The following LAMA2 variants were observed in gnomAD, a reference collection of about 807,000 sequenced individuals.
LAMA2 encodes the protein laminin subunit alpha 2, also known as laminin subunit alpha-2.
LAMA2 carries 269 observed loss-of-function variants against 364.8 expected under a neutral mutation model. The observed-to-expected ratio is 0.74, with a 90% confidence interval of 0.67 to 0.82. LAMA2 has a LOEUF of 0.82. Among genes scored for constraint, LAMA2 ranks in the 40% least tolerant of loss-of-function variants. LAMA2 has a pLI of 0.00. For synonymous variants in LAMA2, 1,379 were observed against 1,370.6 expected, an observed-to-expected ratio of 1.01 and a Z score of -0.14; for missense variants, 3,807 against 3,873.2, an observed-to-expected ratio of 0.98 and a Z score of 0.45.
chr6:129,487,756 G>A (rs7740749), intron 56 of LAMA2, among the ~76,000 whole-genome samples: 96,609 of 151,954 alleles, frequency 0.64, 31,728 homozygotes, highest in Non-Finnish European at 0.72. Flanking sequence ...GATACAAAGC[G>A]TTCATGCAGA....
At chr6:129,173,126 C>T (rs1048193934) in intron 9 of LAMA2, among the ~76,000 whole-genome samples, 6 of 152,198 alleles carry the variant, frequency 3.9e-5, no homozygotes, top group Non-Finnish European at 7.3e-5. Flanking sequence ...CAGAAATCAC[C>T]GTCTTCTGCG....
Position 129,440,424 on chromosome 6 carries a change from G to C in LAMA2, c.6086-392G>C, listed in dbSNP as rs60378592. Among the ~76,000 whole-genome samples the C allele has an allele frequency of 8.6e-5, 13 of 151,948 alleles. No individual in the cohort carries two copies. The South Asian group carries it at 1.9e-3, about 22-fold the overall frequency. On this transcript the variant is annotated intron_variant, in intron 42 of 64. Transcript: ENST00000421865. ...TCTATCCTAAAATGAAAATACGTTA[G>C]TTTCCCTCCAACCCCCACCCCAACC...
intron 58 of LAMA2, among the ~76,000 whole-genome samples, chr6:129,499,275 T>A (rs1200674625): frequency 2.0e-5 from 3 of 152,102 alleles, no homozygotes; most frequent in Non-Finnish European, 4.4e-5. Flanking sequence ...TTTTTTTTTT[T>A]ATTATTATTG....
chr6:128,975,742 C>A (rs1164964667), intron 1 of LAMA2, among the ~76,000 whole-genome samples: 1 of 152,170 alleles, frequency 6.6e-6, no homozygotes, highest in African/African-American at 2.4e-5. Context: ...TGCCTGCCAC[C>A]ATGTAAGACG....
At chr6:129,317,987 G>A (rs761690449) in intron 27 of LAMA2, among the ~76,000 whole-genome samples, 3 of 150,286 alleles carry the variant, frequency 2.0e-5, no homozygotes, top group Admixed American at 6.6e-5. Flanking sequence ...TTAAGTGACC[G>A]TTTTTTTGAA....
intron 1 of LAMA2, among the ~76,000 whole-genome samples, chr6:128,956,048 A>C (rs1382939930): frequency 6.6e-6 from 1 of 152,010 alleles, no homozygotes; most frequent in Non-Finnish European, 1.5e-5. Flanking sequence ...TACCACTTTT[A>C]TGAAAGCAAT....
intron 27 of LAMA2, among the ~76,000 whole-genome samples, chr6:129,316,592 AC>A (rs1348826739): frequency 1.3e-5 from 2 of 152,152 alleles, no homozygotes; most frequent in Non-Finnish European, 1.5e-5. Flanking sequence ...TAATCTGTTC[AC>A]CCCAGTGTGC....
intron 1 of LAMA2, among the ~76,000 whole-genome samples, chr6:128,943,108 G>A (rs1483607971): frequency 6.6e-6 from 1 of 151,902 alleles, no homozygotes; most frequent in Admixed American, 6.6e-5. Flanking sequence ...ACTATGTCTC[G>A]GGCAACTTCT....
At chr6:129,140,787 G>A (rs189734423) in intron 4 of LAMA2, among the ~76,000 whole-genome samples, 5 of 152,072 alleles carry the variant, frequency 3.3e-5, no homozygotes, top group East Asian at 1.9e-4. Context: ...ACACAACATC[G>A]CCAAACAGCT....
intron 32 of LAMA2, among the ~76,000 whole-genome samples, chr6:129,357,371 T>C (rs751127983): frequency 6.6e-6 from 1 of 152,060 alleles, no homozygotes; most frequent in Non-Finnish European, 1.5e-5. Flanking sequence ...TGGCAAGATA[T>C]TACTTCATAA....
intron 7 of LAMA2, among the ~76,000 whole-genome samples, chr6:129,152,762 G>A (rs1394666836): frequency 6.6e-6 from 1 of 152,118 alleles, no homozygotes; most frequent in Non-Finnish European, 1.5e-5. Flanking sequence ...TATTTGTAAA[G>A]GGAGAAACAT....
chr6:129,464,297 G>A lies in LAMA2; in HGVS notation c.7000G>A (p.Val2334Met). The A allele has an allele frequency of 6.2e-7, 1 of 1,611,652 alleles. No individual in the cohort carries two copies. The highest frequency in any genetic ancestry group is 8.5e-7 in the Non-Finnish European group (1 of 1,178,240). The change falls in exon 50 of 65, where the codon GTG becomes ATG. Residue 2334 changes from valine (V) to methionine (M), a missense_variant. Physicochemically the swap from Val to Met is conservative, Grantham distance 21. Around this residue, in one of 3 missense-constraint regions of LAMA2, gnomAD observed 3,333 missense variants for 3,345.7 expected, o/e 1.00. Coordinates refer to ENST00000421865, the MANE Select transcript of LAMA2 (RefSeq NM_000426.4). ...AAATGTCTCTCTTCTCAGTCCTCAG[G>A]TGGAAGATAGTGAGGGGACTATTCA... is the stretch of plus-strand genomic sequence containing the variant. ...DCKGCTVSPQ[V>M]EDSEGTIQFD... is the part of the protein sequence containing the mutation.
intron 1 of LAMA2, among the ~76,000 whole-genome samples, chr6:128,951,919 C>T (rs1780847292): frequency 6.6e-6 from 1 of 152,182 alleles, no homozygotes; most frequent in African/African-American, 2.4e-5. Flanking sequence ...AATCACAGCA[C>T]TTTGGGAGGC....
chr6:129,337,690 T>C (rs770058096), intron 29 of LAMA2, among the ~76,000 whole-genome samples: 2 of 152,148 alleles, frequency 1.3e-5, no homozygotes, highest in Non-Finnish European at 2.9e-5. Flanking sequence ...TTATAGTCAT[T>C]TGATTTTGTA....
At chr6:129,235,642 T>C (rs776469196) in intron 12 of LAMA2, among the ~76,000 whole-genome samples, 14 of 152,142 alleles carry the variant, frequency 9.2e-5, no homozygotes, top group African/African-American at 3.1e-4. Flanking sequence ...TCTTAGAAAA[T>C]AGTAAAGAAC....
At chr6:129,398,803 AT>A (rs1018692564) in intron 37 of LAMA2, among the ~76,000 whole-genome samples, 93 of 152,278 alleles carry the variant, frequency 6.1e-4, no homozygotes, top group African/African-American at 2.1e-3. Flanking sequence ...AAAAATATTT[AT>A]TGAGGAAACT....
intron 10 of LAMA2, among the ~76,000 whole-genome samples, chr6:129,188,436 G>A (rs753764361): frequency 1.3e-5 from 2 of 151,906 alleles, no homozygotes; most frequent in Non-Finnish European, 2.9e-5. Context: ...TAGAGTAAAT[G>A]AAAAGTAGAT....
At position 129,256,687 on chromosome 6, in the gene LAMA2, G is replaced by A. The variant is rs998804703; in HGVS notation, c.2097-4024G>A. Reference sequence around the variant, plus strand: ...AAAGTATCAGTTTCTGTCAGTTACTGCTCTTACTCGATGTGGGATTGAAAA... The same window carrying A: ...AAAGTATCAGTTTCTGTCAGTTACTACTCTTACTCGATGTGGGATTGAAAA... On this transcript the variant is annotated intron_variant, in intron 14 of 64. Transcript: ENST00000421865. 4.1e-5 allele frequency among the ~76,000 whole-genome samples: 6 copies of A among 147,700 alleles called. No individual in the cohort carries two copies. The Admixed American group carries it at 4.1e-4, about 10-fold the overall frequency.
chr6:129,383,188 A>C lies in LAMA2; in HGVS notation c.5026A>C (p.Lys1676Gln). Reference protein sequence around the residue: ...QDAERTNTRAKSLGEFIKELA... With the variant: ...QDAERTNTRAQSLGEFIKELA... ...TGCTGAGAGGACCAACACAAGAGCAAAGTCCCTGGGAGAATTCATTAAGGA... is the reference window on the plus strand; with the variant it reads ...TGCTGAGAGGACCAACACAAGAGCACAGTCCCTGGGAGAATTCATTAAGGA... The change falls in exon 35 of 65, where the codon AAG becomes CAG. Residue 1676 changes from lysine (K) to glutamine (Q), a missense_variant. Physicochemically the swap from Lys to Gln is moderately conservative, Grantham distance 53. Coordinates refer to ENST00000421865, the MANE Select transcript of LAMA2 (RefSeq NM_000426.4). 6.2e-7 allele frequency: 1 copy of C among 1,613,910 alleles called. No homozygotes were observed. The highest frequency in any genetic ancestry group is 8.5e-7 in the Non-Finnish European group (1 of 1,179,922).
Sources: allele counts gnomAD v4.1 joint callset (sites outside exome capture counted in the v4.1 genomes callset), GRCh38; gene constraint gnomAD v4.1.1; regional missense constraint gnomAD v4.1.1; transcripts MANE v1.5; gene names NCBI Gene and HGNC (gene_info 2026-07-23, HGNC 2026-07-21).